Variants in TPTE observed in about 807,000 individuals in gnomAD.
TPTE encodes transmembrane phosphatase with tensin homology.
Under a neutral mutation model 84.1 loss-of-function variants are expected in TPTE, and 59 were observed. That is an observed-to-expected ratio of 0.70 (90% CI 0.57 to 0.87). TPTE has a LOEUF of 0.87. Ranked by LOEUF, TPTE falls within the 40% of genes least tolerant of loss-of-function variation. TPTE has a pLI of 0.00. For missense variants in TPTE, 382 were observed against 659.6 expected (o/e 0.58, Z 4.61); for synonymous variants, 130 against 223.5 (o/e 0.58, Z 3.73).
intron 10 of TPTE, among the ~76,000 whole-genome samples, chr21:10,562,691 G>A (rs1231537283): frequency 8.5e-5 from 13 of 152,306 alleles, no homozygotes; most frequent in African/African-American, 3.1e-4. Context: ...TAATGAGCTT[G>A]AAGACAGGCT....
chr21:10,594,576 C>T (rs1271732635), intron 19 of TPTE, among the ~76,000 whole-genome samples: 5 of 152,304 alleles, frequency 3.3e-5, no homozygotes, highest in Admixed American at 2.6e-4. Context: ...TGGTGGTTTA[C>T]AGCCCTTAGG....
chr21:10,565,665 C>T (rs1360260595), intron 10 of TPTE, among the ~76,000 whole-genome samples: 3 of 152,426 alleles, frequency 2.0e-5, no homozygotes, highest in Admixed American at 6.5e-5. Flanking sequence ...GACACACAGA[C>T]CACTGGAATA....
At chr21:10,585,905 T>A (rs1396322336) in intron 17 of TPTE, among the ~76,000 whole-genome samples, 1 of 152,304 alleles carries the variant, frequency 6.6e-6, no homozygotes, top group Non-Finnish European at 1.5e-5. Context: ...ACCATTTTAG[T>A]GTCTGCAGAG....
intron 19 of TPTE, among the ~76,000 whole-genome samples, chr21:10,594,711 T>A (rs867310519): frequency 1.8e-3 from 266 of 151,960 alleles, no homozygotes; most frequent in African/African-American, 6.0e-3. Flanking sequence ...CTAACTGTAG[T>A]CCAGAACTAG....
chr21:10,587,919 G>A (rs370036484), intron 17 of TPTE, among the ~76,000 whole-genome samples: 1,192 of 150,248 alleles, frequency 7.9e-3, no homozygotes, highest in South Asian at 0.043. Context: ...GTGCAATCTC[G>A]GTCACTGCAA....
chr21:10,555,771 T>C (rs1446669319), intron 8 of TPTE, among the ~76,000 whole-genome samples: 8 of 152,424 alleles, frequency 5.2e-5, no homozygotes, highest in East Asian at 3.8e-4. Context: ...TTTGTTGATA[T>C]GCAAGTCAGA....
intron 8 of TPTE, among the ~76,000 whole-genome samples, chr21:10,558,695 T>A (rs1356649162): frequency 2.0e-5 from 3 of 152,406 alleles, no homozygotes; most frequent in Middle Eastern, 3.4e-3. Context: ...TTGAGTCCTG[T>A]GTTGGAGGCT....
chr21:10,559,933 CAT>C (rs1263557858), intron 9 of TPTE, among the ~76,000 whole-genome samples: 21 of 150,818 alleles, frequency 1.4e-4, no homozygotes, highest in African/African-American at 3.4e-4. Flanking sequence ...TCTATATATA[CAT>C]ATATATATAT....
chr21:10,582,793 A>G (rs2075293689), intron 17 of TPTE, among the ~76,000 whole-genome samples: 1 of 152,310 alleles, frequency 6.6e-6, no homozygotes, highest in South Asian at 2.1e-4. Context: ...GAGTGCAGTG[A>G]CATGATCTCA....
chr21:10,569,830 A>C, intron 13 of TPTE, 84 bp downstream of exon 13: 1 of 1,612,158 alleles, frequency 6.2e-7, no homozygotes, highest in South Asian at 1.1e-5. Flanking sequence ...TCTAAGACAC[A>C]TTCATTCAAA....
chr21:10,574,496 G>C (rs1275461514), intron 14 of TPTE, among the ~76,000 whole-genome samples: 2 of 152,310 alleles, frequency 1.3e-5, no homozygotes, highest in African/African-American at 4.8e-5. Context: ...TGTTTAGAGT[G>C]ATGCAAGATG....
intron 17 of TPTE, among the ~76,000 whole-genome samples, chr21:10,580,748 A>C (rs2075257338): frequency 6.6e-6 from 1 of 152,308 alleles, no homozygotes; most frequent in Admixed American, 6.5e-5. Context: ...TTGTTCTTAA[A>C]CTTTGTGAGA....
At chr21:10,589,775 C>T (rs1416561273) in intron 17 of TPTE, among the ~76,000 whole-genome samples, 1 of 152,310 alleles carries the variant, frequency 6.6e-6, no homozygotes, top group African/African-American at 2.4e-5. Context: ...CTGAGGGCTG[C>T]TTGCCTGCAT....
chr21:10,589,147 G>A (rs1346249557), intron 17 of TPTE, among the ~76,000 whole-genome samples: 2 of 152,428 alleles, frequency 1.3e-5, no homozygotes, highest in South Asian at 2.1e-4. Flanking sequence ...TGTTTGGGTA[G>A]GATTTTTCTT....
chr21:10,530,420 A>G (rs951151900), intron 3 of TPTE, among the ~76,000 whole-genome samples: 2 of 152,308 alleles, frequency 1.3e-5, no homozygotes, highest in African/African-American at 2.4e-5. Flanking sequence ...TGTTTTGCCT[A>G]TATGTTTTTA....
chr21:10,524,130 T>C (rs1386400293), intron 1 of TPTE, among the ~76,000 whole-genome samples: 1 of 152,308 alleles, frequency 6.6e-6, no homozygotes, highest in East Asian at 1.9e-4. Flanking sequence ...AACTGACTTA[T>C]TCTCAATAGG....
chr21:10,596,460 A>G (rs1481171305), intron 20 of TPTE, among the ~76,000 whole-genome samples: 1 of 152,312 alleles, frequency 6.6e-6, no homozygotes, highest in South Asian at 2.1e-4. Flanking sequence ...AACCACCTCT[A>G]GTTCAGAGTT....
At chr21:10,603,400 C>T (rs537435568) in intron 22 of TPTE, among the ~76,000 whole-genome samples, 162 bp from the exon 23 acceptor site, 12 of 152,410 alleles carry the variant, frequency 7.9e-5, no homozygotes, top group African/African-American at 2.9e-4. Context: ...AAGCCTCCTC[C>T]TTTGTGTCTT....
At chr21:10,537,255 C>A (rs1194662856) in intron 3 of TPTE, among the ~76,000 whole-genome samples, 2 of 152,306 alleles carry the variant, frequency 1.3e-5, no homozygotes, top group African/African-American at 4.8e-5. Context: ...GTAATTCAAA[C>A]CAGAAAGTGA....
Sources: gnomAD v4.1 joint callset for allele counts (sites outside exome capture counted in the v4.1 genomes callset) on GRCh38, gnomAD v4.1.1 for gene constraint, MANE v1.5 for transcripts, NCBI Gene and HGNC (gene_info 2026-07-23, HGNC 2026-07-21) for gene names.